ANO10: variants seen among roughly 807,000 people sequenced by gnomAD.
The protein encoded by ANO10 is anoctamin-10.
A neutral mutation model predicts 74.7 loss-of-function variants in ANO10; 77 were observed. That is an observed-to-expected ratio of 1.03 (90% confidence interval 0.86 to 1.25). ANO10 has a LOEUF of 1.25. ANO10 is among the 50% of genes most tolerant of loss of function. ANO10 has a pLI of 0.00. For synonymous variants in ANO10, 279 were observed against 284.9 expected (o/e 0.98, Z 0.21); for missense variants, 721 against 778.1 (o/e 0.93, Z 0.87).
At chr3:43,606,000 G>T in intron 1 of ANO10, 137 bp from the exon 2 acceptor site, 2 of 904,468 alleles carry the variant, frequency 2.2e-6, no homozygotes, top group Non-Finnish European at 3.4e-6. Context: ...ATTCAGATGG[G>T]TTATATGACA....
At chr3:43,489,664 C>G (rs2076642439) in intron 11 of ANO10, among the ~76,000 whole-genome samples, 1 of 152,020 alleles carries the variant, frequency 6.6e-6, no homozygotes, top group South Asian at 2.1e-4. Flanking sequence ...ATGAATTCGT[C>G]AATAATTTCA....
chr3:43,391,204 G>A (rs1386569030), intron 12 of ANO10, among the ~76,000 whole-genome samples: 1 of 152,160 alleles, frequency 6.6e-6, no homozygotes, highest in East Asian at 1.9e-4. Context: ...ATTTTGAAAG[G>A]TGAAGTGATA....
chr3:43,558,903 T>C (rs1347343676), intron 9 of ANO10, among the ~76,000 whole-genome samples: 2 of 152,148 alleles, frequency 1.3e-5, no homozygotes, highest in South Asian at 2.1e-4. Context: ...CGCAGAACCC[T>C]GCAGGTCCAA....
At chr3:43,691,340 C>T in intron 1 of ANO10, 1 of 248,864 alleles carries the variant, frequency 4.0e-6, no homozygotes, top group Non-Finnish European at 7.6e-6. Context: ...AGCCACCCCG[C>T]GGGCCGGCGA....
intron 12 of ANO10, among the ~76,000 whole-genome samples, chr3:43,400,912 G>T (rs1353256294): frequency 6.6e-6 from 1 of 152,156 alleles, no homozygotes; most frequent in African/African-American, 2.4e-5. Flanking sequence ...AAGTAGGAAC[G>T]TACTTTGTCA....
intron 1 of ANO10, among the ~76,000 whole-genome samples, chr3:43,673,395 T>A (rs968093546): frequency 2.6e-5 from 4 of 152,204 alleles, no homozygotes; most frequent in African/African-American, 9.7e-5. Flanking sequence ...AACATTAATG[T>A]CAGAGGAAAT....
At chr3:43,653,887 T>C (rs866074254) in intron 1 of ANO10, among the ~76,000 whole-genome samples, 26 of 151,932 alleles carry the variant, frequency 1.7e-4, no homozygotes, top group Middle Eastern at 6.8e-3. Context: ...AGCCTAACAC[T>C]TAATACATGT....
chr3:43,543,554 A>C (rs555276550), intron 11 of ANO10, among the ~76,000 whole-genome samples: 38 of 152,062 alleles, frequency 2.5e-4, no homozygotes, highest in African/African-American at 9.2e-4. Context: ...GCGCCCGCTA[A>C]TTTTTTTGTA....
At position 43,555,332 on chromosome 3, in the gene ANO10, G is replaced by A. The variant is rs1559692735; in HGVS notation, c.1614C>T (p.Cys538=). The A allele has an allele frequency of 6.2e-7, 1 of 1,614,100 alleles. No individual in the cohort carries two copies. Among genetic ancestry groups the A allele is most frequent in the South Asian group, 1.1e-5 (1 of 91,078 alleles). Residue 538 remains cysteine (C), a synonymous_variant, in exon 10 of 13, where the codon TGC becomes TGT. Coordinates refer to ENST00000292246, the MANE Select transcript of ANO10 (RefSeq NM_018075.5). The stretch of plus-strand genomic sequence containing the variant: ...CTGAGAATGGACGTTTGAAGACCCT[G>A]CACATTTTTAAGGCATCTGAATTTA... ...TEVNSDALKM[C]RVFKRPFSEP...
chr3:43,586,080 A>G (rs2081469110), intron 4 of ANO10, among the ~76,000 whole-genome samples: 2 of 152,200 alleles, frequency 1.3e-5, no homozygotes, highest in South Asian at 4.1e-4. Context: ...CCAAGCACAC[A>G]AAGGGCAAGG....
rs186970865 is a variant in ANO10, at chr3:43,628,030, G to A, written c.-11-22167C>T. Reference sequence around the variant, plus strand: ...GCCTCCTGAGTAGCTGGGACTACAGGTGTGCATAGTAGTTGGTTCTTTTAG... The same window carrying A: ...GCCTCCTGAGTAGCTGGGACTACAGATGTGCATAGTAGTTGGTTCTTTTAG... On this transcript the variant is annotated intron_variant, in intron 1 of 3. Transcript: ENST00000413397. Among the ~76,000 whole-genome samples, 55 of 152,218 alleles carry A rather than the reference G, an allele frequency of 3.6e-4. 1 individual carries two copies. The Middle Eastern group carries it at 0.017, about 47-fold the overall frequency.
chr3:43,589,378 T>G (rs2081620149), intron 4 of ANO10, among the ~76,000 whole-genome samples: 1 of 151,618 alleles, frequency 6.6e-6, no homozygotes, highest in South Asian at 2.1e-4. Flanking sequence ...CAATATAACA[T>G]GCATTCCTTT....
rs558692629 is a variant in ANO10 at position 43,668,336 on chromosome 3, G to A, written c.-12+23181C>T. On this transcript the variant is annotated intron_variant, in intron 1 of 3. Transcript: ENST00000413397. ...TGTAGATTCTGGATATTAGTTCTTC[G>A]TTAGATGCAAATTTTGTGAATGTTT... Among the ~76,000 whole-genome samples, 269 of 151,596 alleles carry A rather than the reference G, an allele frequency of 1.8e-3. 1 individual carries two copies. The highest frequency in any genetic ancestry group is 5.8e-3 in the African/African-American group (240 of 41,314).
intron 11 of ANO10, among the ~76,000 whole-genome samples, chr3:43,513,297 C>T (rs113796925): frequency 3.3e-5 from 5 of 151,908 alleles, no homozygotes; most frequent in South Asian, 2.1e-4. Context: ...GAAATGATTA[C>T]GAAGGAGGAG....
At chr3:43,393,070 A>C (rs1191047864) in intron 12 of ANO10, among the ~76,000 whole-genome samples, 1 of 152,224 alleles carries the variant, frequency 6.6e-6, no homozygotes, top group Non-Finnish European at 1.5e-5. Context: ...TCCCTGAGAG[A>C]GACCATGCAC....
At chr3:43,477,752 C>T (rs146700131) in intron 11 of ANO10, among the ~76,000 whole-genome samples, 139 of 152,254 alleles carry the variant, frequency 9.1e-4, no homozygotes, top group Non-Finnish European at 1.6e-3. Flanking sequence ...CAGGAAGACG[C>T]GAAGGTGACG....
At chr3:43,647,191 G>GTGTGTA (rs2083736284) in intron 1 of ANO10, among the ~76,000 whole-genome samples, 1 of 150,676 alleles carries the variant, frequency 6.6e-6, no homozygotes, top group Non-Finnish European at 1.5e-5. Flanking sequence ...GTGTGTGTGT[G>GTGTGTA]TATTCTATAC....
At chr3:43,428,375 T>A (rs2092929511) in intron 12 of ANO10, among the ~76,000 whole-genome samples, 1 of 152,056 alleles carries the variant, frequency 6.6e-6, no homozygotes, top group Non-Finnish European at 1.5e-5. Flanking sequence ...ATTCTCAGAT[T>A]GATAATTAAA....
At chr3:43,673,558 A>G (rs1222804936) in intron 1 of ANO10, among the ~76,000 whole-genome samples, 1 of 152,192 alleles carries the variant, frequency 6.6e-6, no homozygotes, top group Non-Finnish European at 1.5e-5. Flanking sequence ...TTTGGAGGGC[A>G]ATGCTTTTCC....
Sources: allele counts gnomAD v4.1 joint callset (sites outside exome capture counted in the v4.1 genomes callset), GRCh38; gene constraint gnomAD v4.1.1; transcripts MANE v1.5; gene names NCBI Gene and HGNC (gene_info 2026-07-23, HGNC 2026-07-21).